PKHD1: variants seen among roughly 807,000 people sequenced by gnomAD.
PKHD1 encodes PKHD1 ciliary IPT domain containing fibrocystin/polyductin, also known as fibrocystin.
A neutral mutation model predicts 412.0 loss-of-function variants in PKHD1; 291 were observed. The observed-to-expected ratio is 0.71, with a 90% confidence interval of 0.64 to 0.78. The LOEUF is 0.78. Among genes scored for constraint, PKHD1 ranks in the 30% least tolerant of loss-of-function variants. The probability of loss-of-function intolerance (pLI) is 0.00; values close to 1 mark genes in which losing one functional copy is unlikely to be tolerated. For missense variants in PKHD1, 4,825 were observed against 4,950.7 expected, an observed-to-expected ratio of 0.97 and a Z score of 0.76; for synonymous variants, 1,777 against 1,821.5, an observed-to-expected ratio of 0.98 and a Z score of 0.62.
intron 60 of PKHD1, among the ~76,000 whole-genome samples, chr6:51,709,746 T>A (rs1352707189): frequency 6.6e-6 from 1 of 152,226 alleles, no homozygotes; most frequent in East Asian, 1.9e-4. Context: ...AATAACCAAC[T>A]TTTATAAATC....
chr6:51,991,806 A>G (rs1303988195), intron 35 of PKHD1, among the ~76,000 whole-genome samples: 1 of 152,238 alleles, frequency 6.6e-6, no homozygotes, highest in Non-Finnish European at 1.5e-5. Context: ...AAATAAATAT[A>G]TCACTCCAAG....
Position 51,649,087 on chromosome 6 carries a change from G to A in PKHD1, c.11308C>T (p.Gln3770Ter), listed in dbSNP as rs1222628428. ...VQPQLVFLDE[Q>*]NRRVESLGPP... The stretch of plus-strand genomic sequence containing the variant: ...ATTTGTTACCTGTGAAAAGTTACCT[G>A]CTCATCCAAAAATACCAATTGTGGC... Residue 3770 changes from glutamine (Q) to a stop codon, truncating the protein, a stop_gained and splice_region_variant, in exon 62 of 67, where the codon CAG (glutamine) becomes TAG (stop). Transcript: ENST00000371117. LOFTEE classifies it high-confidence loss of function. The A allele has an allele frequency of 6.2e-7, 1 of 1,613,230 alleles. No individual in the cohort carries two copies. Among genetic ancestry groups the A allele is most frequent in the Non-Finnish European group, 8.5e-7 (1 of 1,179,566 alleles).
chr6:51,804,365 G>A (rs1255117736), intron 52 of PKHD1, among the ~76,000 whole-genome samples: 1 of 103,292 alleles, frequency 9.7e-6, no homozygotes, highest in East Asian at 4.5e-4. Context: ...TCATTGGGGG[G>A]GGGGGGGGCG....
At chr6:51,695,664 T>C (rs1778713945) in intron 60 of PKHD1, among the ~76,000 whole-genome samples, 1 of 152,206 alleles carries the variant, frequency 6.6e-6, no homozygotes. Flanking sequence ...AGTTATTTTA[T>C]AGGTTATGAA....
rs543399821 is a variant in PKHD1, at chr6:51,919,744, A to T, written c.6122-7168T>A. Reference sequence around the variant, plus strand: ...CAGTATGGCCATTTTCACGATATTGATTCTTCCTATCCATGAGCATGGAAT... The same window carrying T: ...CAGTATGGCCATTTTCACGATATTGTTTCTTCCTATCCATGAGCATGGAAT... On this transcript the variant is annotated intron_variant, in intron 37 of 66. Transcript: ENST00000371117. Among the ~76,000 whole-genome samples the T allele has an allele frequency of 2.7e-3, 415 of 152,282 alleles. 2 individuals carry two copies. Among genetic ancestry groups the T allele is most frequent in the African/African-American group, 9.6e-3 (399 of 41,554 alleles).
chr6:52,036,253 C>T (rs1193025048), intron 27 of PKHD1, among the ~76,000 whole-genome samples: 1 of 152,186 alleles, frequency 6.6e-6, no homozygotes, highest in Non-Finnish European at 1.5e-5. Flanking sequence ...TGTGGTTTGA[C>T]ACTACACATA....
intron 50 of PKHD1, among the ~76,000 whole-genome samples, chr6:51,842,722 C>T (rs1168008815): frequency 6.6e-6 from 1 of 150,790 alleles, no homozygotes; most frequent in African/African-American, 2.4e-5. Flanking sequence ...CTCCTGGCCA[C>T]CCCCCTACAA....
chr6:51,836,980 C>T (rs1427632573), intron 50 of PKHD1, among the ~76,000 whole-genome samples: 1 of 152,072 alleles, frequency 6.6e-6, no homozygotes, highest in African/African-American at 2.4e-5. Flanking sequence ...ATTTAAAAGG[C>T]CTGGGGTTCA....
rs552237913 is a variant in PKHD1, at chr6:51,970,233, T to G, written c.5752-10207A>C. ...CACATGCTTATCTGCCATTTCTGTG[T>G]CTTCCTCTAAAAATGTCTGTTTGTG... is the stretch of plus-strand genomic sequence containing the variant. On this transcript the variant is annotated intron_variant, in intron 35 of 66. Transcript: ENST00000371117. 2.0e-5 allele frequency among the ~76,000 whole-genome samples: 3 copies of G among 152,346 alleles called. No individual in the cohort carries two copies. In the South Asian group the frequency reaches 6.2e-4, roughly 32 times the overall value.
At chr6:51,839,899 A>ATC (rs1280395685) in intron 50 of PKHD1, among the ~76,000 whole-genome samples, 2 of 151,912 alleles carry the variant, frequency 1.3e-5, no homozygotes, top group African/African-American at 4.8e-5. Context: ...AGCAACTGCA[A>ATC]TCAGTGTCTG....
At chr6:52,027,061 A>G (rs1447361252) in intron 31 of PKHD1, among the ~76,000 whole-genome samples, 1 of 152,114 alleles carries the variant, frequency 6.6e-6, no homozygotes, top group Non-Finnish European at 1.5e-5. Flanking sequence ...GTGTGTTTCT[A>G]TTTCTGAGTC....
intron 45 of PKHD1, among the ~76,000 whole-genome samples, chr6:51,884,103 G>C (rs549424703): frequency 6.6e-6 from 1 of 152,284 alleles, no homozygotes; most frequent in South Asian, 2.1e-4. Context: ...CTGGGAGACA[G>C]AGTTGTGCTT....
At chr6:51,784,142 A>G (rs1256460716) in intron 53 of PKHD1, among the ~76,000 whole-genome samples, 1 of 152,218 alleles carries the variant, frequency 6.6e-6, no homozygotes, top group Non-Finnish European at 1.5e-5. Context: ...TGCTATTCAT[A>G]TCATTACCGA....
At chr6:51,902,700 G>C (rs1360570197) in intron 43 of PKHD1, among the ~76,000 whole-genome samples, 1 of 152,052 alleles carries the variant, frequency 6.6e-6, no homozygotes, top group Non-Finnish European at 1.5e-5. Flanking sequence ...AAGATCCATG[G>C]GATAAAATAA....
In PKHD1 at chr6:51,659,688, C is replaced by G; in HGVS notation, c.10438G>C (p.Val3480Leu). 1 of 1,613,820 alleles carries G rather than the reference C, an allele frequency of 6.2e-7. No individual in the cohort carries two copies. The highest frequency in any genetic ancestry group is 1.3e-5 in the African/African-American group (1 of 75,008). ...TTCCCCAATAGAAAAAAGCGCAAAACTTGAGGAGTTTGATCCATGAAGCAG... is the reference window on the plus strand; with the variant it reads ...TTCCCCAATAGAAAAAAGCGCAAAAGTTGAGGAGTTTGATCCATGAAGCAG... ...KVCFMDQTPQ[V>L]LRFFLLGNKS... The change falls in exon 61 of 67, where the codon GTT becomes CTT. Residue 3480 changes from valine to leucine, a missense_variant. Coordinates refer to ENST00000371117, the MANE Select transcript of PKHD1 (RefSeq NM_138694.4).
rs1772479427 is a variant in PKHD1 at position 51,659,568 on chromosome 6, C to T, written c.10558G>A (p.Val3520Ile). 1.9e-6 allele frequency: 3 copies of T among 1,613,636 alleles called. No individual in the cohort carries two copies. The highest frequency in any genetic ancestry group is 2.7e-5 in the African/African-American group (2 of 74,958). ...TTCAGCAATAAGGAAGCTGACTGAA[C>T]CAGAGTGGGTGGAATAAAACTTTCC... ...LGESFIPPTL[V>I]QSASLLLNES... Residue 3520 changes from valine (V) to isoleucine (I), a missense_variant, in exon 61 of 67, where the codon GTT becomes ATT. Physicochemically the swap from Val to Ile is conservative, Grantham distance 29. Transcript: ENST00000371117.
intron 48 of PKHD1, among the ~76,000 whole-genome samples, chr6:51,867,590 T>A (rs1775283343): frequency 6.6e-6 from 1 of 152,150 alleles, no homozygotes; most frequent in African/African-American, 2.4e-5. Flanking sequence ...TGTAAGTCTT[T>A]CTAAGAAGAA....
At chr6:51,940,266 T>A (rs1205390737) in intron 36 of PKHD1, among the ~76,000 whole-genome samples, 1 of 151,760 alleles carries the variant, frequency 6.6e-6, no homozygotes, top group African/African-American at 2.4e-5. Context: ...CAGGACTTAA[T>A]TAACCTTGCC....
Position 52,076,290 on chromosome 6 carries a change from G to C in PKHD1, c.434C>G (p.Pro145Arg), listed in dbSNP as rs146649894. 5.7e-5 allele frequency: 92 copies of C among 1,609,908 alleles called. No homozygotes were observed. Among genetic ancestry groups the C allele is most frequent in the Non-Finnish European group, 7.7e-5 (91 of 1,176,370 alleles). Residue 145 changes from proline to arginine, a missense_variant, in exon 6 of 67, where the codon CCA (proline) becomes CGA (arginine). Pro to Arg is a moderately radical substitution (Grantham distance 103). Coordinates refer to ENST00000371117, the MANE Select transcript of PKHD1 (RefSeq NM_138694.4). ...AGATTTCTTACCTGGAACACCACTT[G>C]GTGGATAAACTTGGTGAACGATGGG... The part of the protein sequence containing the change: ...QTPIVHQVYP[P>R]SGVPGKLIHV...
Sources: allele counts gnomAD v4.1 joint callset (sites outside exome capture counted in the v4.1 genomes callset), GRCh38; gene constraint gnomAD v4.1.1; transcripts MANE v1.5; gene names NCBI Gene and HGNC (gene_info 2026-07-23, HGNC 2026-07-21).